The following SULF2 variants were observed in gnomAD, a reference collection of about 807,000 sequenced individuals.
SULF2 encodes extracellular sulfatase Sulf-2.
SULF2 carries 52 observed loss-of-function variants against 107.7 expected under a neutral mutation model. The ratio of observed to expected loss-of-function variants is 0.48; its 90% CI spans 0.39 to 0.61. The LOEUF is 0.61. Among genes scored for constraint, SULF2 ranks in the 20% least tolerant of loss-of-function variants. The probability of loss-of-function intolerance (pLI) is 0.00; values close to 1 mark genes in which losing one functional copy is unlikely to be tolerated. For missense variants in SULF2, 993 were observed against 1,177.3 expected (o/e 0.84, Z 2.29); for synonymous variants, 460 against 464.3 (o/e 0.99, Z 0.12).
chr20:47,758,056 C>A (rs182574618), intron 1 of SULF2, among the ~76,000 whole-genome samples: 27 of 152,196 alleles, frequency 1.8e-4, no homozygotes, highest in Non-Finnish European at 3.4e-4. Context: ...CTCGGTTTCC[C>A]CATGAACAAA....
chr20:47,660,550 T>A lies in SULF2; in HGVS notation c.2495-820A>T, dbSNP rs145181780. Among the ~76,000 whole-genome samples, 607 of 152,268 alleles carry A rather than the reference T, an allele frequency of 4.0e-3. 5 individuals carry two copies. Among genetic ancestry groups the A allele is most frequent in the African/African-American group, 0.014 (582 of 41,536 alleles). On this transcript the variant is annotated intron_variant, in intron 18 of 20. Coordinates refer to ENST00000688720, the MANE Select transcript of SULF2 (RefSeq NM_001387048.1). ...ATACCAAAGGTTTTTTTTAGGCCAC[T>A]CTCTCTCACTAGTAAGTGAACTTCA...
intron 14 of SULF2, 42 bp downstream of exon 14, chr20:47,665,157 G>T: frequency 7.9e-7 from 1 of 1,269,896 alleles, no homozygotes; most frequent in Admixed American, 1.7e-5. Context: ...CTGTCCTGTA[G>T]GAGAGTGGGG....
chr20:47,736,580 AAG>A (rs1373476566), intron 3 of SULF2, 121 bp downstream of exon 3: 6 of 1,295,706 alleles, frequency 4.6e-6, no homozygotes, highest in Non-Finnish European at 6.3e-6. Context: ...CTGAAATTAT[AAG>A]AGAGTTGCTC....
chr20:47,663,355 G>A (rs777314644), intron 16 of SULF2, 98 bp downstream of exon 16: 2 of 1,577,904 alleles, frequency 1.3e-6, no homozygotes, highest in Non-Finnish European at 1.7e-6. Context: ...CCCTGGTGTT[G>A]GGGACCCCCT....
At chr20:47,691,499 T>C (rs1318061277) in intron 4 of SULF2, among the ~76,000 whole-genome samples, 1 of 152,222 alleles carries the variant, frequency 6.6e-6, no homozygotes, top group African/African-American at 2.4e-5. Context: ...GCCTGCGGTT[T>C]GGCCCAGGTA....
intron 2 of SULF2, among the ~76,000 whole-genome samples, chr20:47,739,434 C>T (rs1232174149): frequency 1.3e-5 from 2 of 152,138 alleles, no homozygotes; most frequent in Non-Finnish European, 1.5e-5. Flanking sequence ...GCACATTGGC[C>T]GCCCTCCCAC....
At chr20:47,750,126 C>A (rs1195473753) in intron 2 of SULF2, among the ~76,000 whole-genome samples, 1 of 152,206 alleles carries the variant, frequency 6.6e-6, no homozygotes, top group African/African-American at 2.4e-5. Flanking sequence ...GGACTATAGG[C>A]GTGTGCCACC....
intron 15 of SULF2, 30 bp from the exon 16 acceptor site, chr20:47,663,652 G>A (rs1261394293): frequency 6.5e-7 from 1 of 1,532,622 alleles, no homozygotes; most frequent in Admixed American, 2.0e-5. Flanking sequence ...CACACACCTT[G>A]GGCCTCTGAG....
chr20:47,770,470 G>A (rs35617730), intron 1 of SULF2, among the ~76,000 whole-genome samples: 4,045 of 152,266 alleles, frequency 0.027, 82 homozygotes, highest in Middle Eastern at 0.062. Flanking sequence ...AGCAAAGAAG[G>A]GGCAAGAGGT....
At chr20:47,765,377 A>AAAC (rs2090509741) in intron 1 of SULF2, among the ~76,000 whole-genome samples, 2 of 151,602 alleles carry the variant, frequency 1.3e-5, no homozygotes, top group Admixed American at 6.6e-5. Context: ...AAAACAAAAA[A>AAAC]AAAAAAACAG....
intron 3 of SULF2, among the ~76,000 whole-genome samples, chr20:47,722,660 A>G: frequency 6.6e-6 from 1 of 151,900 alleles, no homozygotes; most frequent in East Asian, 1.9e-4. Flanking sequence ...CGCCAGGTGC[A>G]GTGGCTCACG....
intron 3 of SULF2, among the ~76,000 whole-genome samples, chr20:47,711,407 AG>A (rs1394931173): frequency 2.0e-5 from 3 of 152,232 alleles, no homozygotes; most frequent in Non-Finnish European, 2.9e-5. Flanking sequence ...ATGAACTGAC[AG>A]GCATGCGAAG....
At chr20:47,661,277 T>C (rs1191120006) in intron 18 of SULF2, among the ~76,000 whole-genome samples, 3 of 152,002 alleles carry the variant, frequency 2.0e-5, no homozygotes, top group Non-Finnish European at 4.4e-5. Context: ...CATCCTACTT[T>C]TCAGGACTCA....
At position 47,664,766 on chromosome 20, in the gene SULF2, C is replaced by T. The variant is rs139694407; in HGVS notation, c.1997+433G>A. ...GACACTAGCCAAAATTTTAAGTATG[C>T]ACCAGCCACGTGTGGTGTAGTGCAG... On this transcript the variant is annotated intron_variant, in intron 14 of 20. Transcript: ENST00000688720. 3.9e-5 allele frequency among the ~76,000 whole-genome samples: 6 copies of T among 152,356 alleles called. No homozygotes were observed. The East Asian group carries it at 1.2e-3, about 29-fold the overall frequency.
chr20:47,677,207 G>T lies in SULF2; in HGVS notation c.1194-73C>A, dbSNP rs2087672820. 9 of 1,550,848 alleles carry T rather than the reference G, an allele frequency of 5.8e-6. No individual in the cohort carries two copies. In the South Asian group the frequency reaches 9.0e-5, roughly 15 times the overall value. On this transcript the variant is annotated intron_variant, in intron 8 of 20. Coordinates refer to ENST00000688720, the MANE Select transcript of SULF2 (RefSeq NM_001387048.1). ...ACGACCCCCCGTTCCCCCAGGAGCA[G>T]GGACGGCACCAGGAGTCAGCCTTGG...
At chr20:47,779,209 G>A (rs2090778166) in intron 1 of SULF2, among the ~76,000 whole-genome samples, 1 of 152,206 alleles carries the variant, frequency 6.6e-6, no homozygotes, top group African/African-American at 2.4e-5. Flanking sequence ...GTACATTGCA[G>A]GTTAAGCAGC....
chr20:47,687,259 T>G (rs774007735), intron 5 of SULF2, among the ~76,000 whole-genome samples: 97 of 152,208 alleles, frequency 6.4e-4, no homozygotes, highest in Non-Finnish European at 1.2e-3. Context: ...CGGGTGGTGC[T>G]TGGGGTCGAC....
intron 3 of SULF2, among the ~76,000 whole-genome samples, chr20:47,705,621 T>C (rs2088707980): frequency 6.6e-6 from 1 of 152,088 alleles, no homozygotes; most frequent in African/African-American, 2.4e-5. Flanking sequence ...CAGGAGACAC[T>C]TGGCAATGTC....
chr20:47,694,349 G>A lies in SULF2; in HGVS notation c.568-4054C>T, dbSNP rs1234869148. Among the ~76,000 whole-genome samples, 3 of 152,178 alleles carry A rather than the reference G, an allele frequency of 2.0e-5. No homozygotes were observed. The East Asian group carries it at 5.8e-4, about 29-fold the overall frequency. ...GTTGGTCTCTGGTTTGGGCAGTTGA[G>A]GGAAGGGTAGAGAAGGCCTGGGCCG... is the stretch of plus-strand genomic sequence containing the variant. On this transcript the variant is annotated intron_variant, in intron 4 of 20. Coordinates refer to ENST00000688720, the MANE Select transcript of SULF2 (RefSeq NM_001387048.1). The surrounding 1 kb of genome is among the most constrained non-coding windows in gnomAD (Gnocchi z 4.4).
Sources: allele counts gnomAD v4.1 joint callset (sites outside exome capture counted in the v4.1 genomes callset), GRCh38; gene constraint gnomAD v4.1.1; non-coding constraint Gnocchi (gnomAD v3.1); transcripts MANE v1.5; gene names NCBI Gene and HGNC (gene_info 2026-07-23, HGNC 2026-07-21).